The following PARD3B variants were observed in gnomAD, a reference collection of about 807,000 sequenced individuals.
The protein encoded by PARD3B is partitioning defective 3 homolog B.
Under a neutral mutation model 130.2 loss-of-function variants are expected in PARD3B, and 103 were observed. The ratio of observed to expected loss-of-function variants is 0.79; its 90% CI spans 0.67 to 0.93. The LOEUF (loss-of-function observed/expected upper bound fraction) is 0.93, where lower values mean the gene tolerates loss of function less well. PARD3B is among the 40% of genes least tolerant of loss of function. The probability of loss-of-function intolerance (pLI) is 0.00; values close to 1 mark genes in which losing one functional copy is unlikely to be tolerated. For missense variants in PARD3B, 1,609 were observed against 1,499.2 expected (o/e 1.07, Z -1.21); for synonymous variants, 583 against 553.2 (o/e 1.05, Z -0.76).
intron 22 of PARD3B, among the ~76,000 whole-genome samples, chr2:205,601,162 CTGT>C (rs1349888821): frequency 2.0e-5 from 3 of 152,192 alleles, no homozygotes; most frequent in Non-Finnish European, 4.4e-5. Flanking sequence ...TCGCTGGCAT[CTGT>C]TGTTTCTTGA....
At chr2:205,254,111 AAAG>A (rs1171312835) in intron 16 of PARD3B, among the ~76,000 whole-genome samples, 2 of 147,956 alleles carry the variant, frequency 1.4e-5, no homozygotes, top group African/African-American at 5.0e-5. Flanking sequence ...AAAAAAAAAA[AAAG>A]CTGAGATGCT....
At position 204,646,452 on chromosome 2, in the gene PARD3B, G is replaced by A. The variant is rs913351638; in HGVS notation, c.121-39729G>A. ...TTGTGAGATTCATCCATGTCATTGC[G>A]TGAAGCTGTAGGTTGTTAGTTTTCA... On this transcript the variant is annotated intron_variant, in intron 1 of 22. Coordinates refer to ENST00000406610, the MANE Select transcript of PARD3B (RefSeq NM_001302769.2). Among the ~76,000 whole-genome samples the A allele has an allele frequency of 2.6e-5, 4 of 151,974 alleles. No individual in the cohort carries two copies. In the South Asian group the frequency reaches 8.3e-4, roughly 31 times the overall value.
chr2:205,599,481 A>T (rs2105749498), intron 22 of PARD3B, among the ~76,000 whole-genome samples: 1 of 152,332 alleles, frequency 6.6e-6, no homozygotes, highest in East Asian at 1.9e-4. Context: ...GAGAAAAGGA[A>T]GTCTTTATTG....
chr2:204,914,448 C>G (rs1409962811), intron 2 of PARD3B, among the ~76,000 whole-genome samples: 1 of 151,894 alleles, frequency 6.6e-6, no homozygotes, highest in Non-Finnish European at 1.5e-5. Context: ...TGTCTAATGA[C>G]AGTGAGGGGG....
intron 19 of PARD3B, among the ~76,000 whole-genome samples, chr2:205,427,407 A>G (rs1002661438): frequency 2.0e-5 from 3 of 152,264 alleles, no homozygotes; most frequent in Non-Finnish European, 4.4e-5. Context: ...AAGCATGTCC[A>G]CACAGTAGAA....
chr2:204,998,806 C>T (rs117925174), intron 3 of PARD3B, among the ~76,000 whole-genome samples: 1,696 of 152,170 alleles, frequency 0.011, 27 homozygotes, highest in East Asian at 0.046. Context: ...TTCTGACACC[C>T]TGGTTCAAGT....
intron 22 of PARD3B, among the ~76,000 whole-genome samples, chr2:205,604,428 C>T (rs933414098): frequency 6.6e-6 from 1 of 152,132 alleles, no homozygotes; most frequent in South Asian, 2.1e-4. Flanking sequence ...GAGACTTATT[C>T]ACTATCATGA....
At position 205,124,234 on chromosome 2, in the gene PARD3B, A is replaced by G. The variant is rs974907076; in HGVS notation, c.1166-93A>G. 3 of 995,738 alleles carry G rather than the reference A, an allele frequency of 3.0e-6. No homozygotes were observed. In the African/African-American group the frequency reaches 5.0e-5, roughly 17 times the overall value. The allele number at this position is 995,738 out of a possible 1,614,324, so 61.7% of individuals were successfully genotyped here. A position where few individuals can be genotyped will look rare whatever the true frequency, so the allele number is the denominator to read the frequency against. On this transcript the variant is annotated intron_variant, in intron 8 of 22. Coordinates refer to ENST00000406610, the MANE Select transcript of PARD3B (RefSeq NM_001302769.2). Reference sequence around the variant, plus strand: ...AATGTAAATATTTTACTGATTCTATATTAGTCTAAATTAGGTAGATCTTAC... The same window carrying G: ...AATGTAAATATTTTACTGATTCTATGTTAGTCTAAATTAGGTAGATCTTAC...
chr2:205,239,073 T>G (rs577506820), intron 15 of PARD3B, among the ~76,000 whole-genome samples: 2 of 151,606 alleles, frequency 1.3e-5, no homozygotes, highest in Admixed American at 1.3e-4. Context: ...CATCAAGTTG[T>G]CTCATCCTAT....
At chr2:204,877,952 A>G (rs557749782) in intron 2 of PARD3B, among the ~76,000 whole-genome samples, 10 of 152,188 alleles carry the variant, frequency 6.6e-5, no homozygotes, top group Non-Finnish European at 1.5e-4. Context: ...AACCTATTAA[A>G]TTAGTTTCAA....
At chr2:205,456,215 ATTGCTTAATCATGCTATGGATGTACCAT>A (rs1052595564) in intron 20 of PARD3B, among the ~76,000 whole-genome samples, 5 of 152,112 alleles carry the variant, frequency 3.3e-5, no homozygotes, top group Admixed American at 1.3e-4. Context: ...TGGATGTACC[ATTGCTTAATCATGCTATGGATGTACCAT>A]TTGCTTAATC....
At chr2:204,718,600 C>T (rs554775166) in intron 2 of PARD3B, among the ~76,000 whole-genome samples, 2 of 152,272 alleles carry the variant, frequency 1.3e-5, no homozygotes, top group South Asian at 4.1e-4. Flanking sequence ...TGGGTGGGGA[C>T]ACAGAGCCAA....
chr2:204,933,045 G>C (rs1273717153), intron 2 of PARD3B, among the ~76,000 whole-genome samples: 1 of 152,132 alleles, frequency 6.6e-6, no homozygotes, highest in Non-Finnish European at 1.5e-5. Context: ...AGTGACCTCT[G>C]TCTCAAACCT....
At chr2:204,638,789 T>C (rs964367443) in intron 1 of PARD3B, among the ~76,000 whole-genome samples, 4 of 152,202 alleles carry the variant, frequency 2.6e-5, no homozygotes, top group Non-Finnish European at 5.9e-5. Context: ...CTGATGGAAA[T>C]GATGGCATAT....
chr2:205,242,432 AC>A (rs1177603094), intron 15 of PARD3B, among the ~76,000 whole-genome samples: 1 of 152,204 alleles, frequency 6.6e-6, no homozygotes, highest in Non-Finnish European at 1.5e-5. Context: ...CAAAAGCCTT[AC>A]CTTTGTATGA....
chr2:205,544,879 G>T lies in PARD3B; in HGVS notation c.3181-8445G>T, dbSNP rs2052318387. ...GTGCACAGGTTAGAAGGGACTTCCAGGATGTCTGTTTTAACCCTGACATGT... is the reference window on the plus strand; with the variant it reads ...GTGCACAGGTTAGAAGGGACTTCCATGATGTCTGTTTTAACCCTGACATGT... On this transcript the variant is annotated intron_variant, in intron 21 of 22. Coordinates refer to ENST00000406610, the MANE Select transcript of PARD3B (RefSeq NM_001302769.2). 5.3e-5 allele frequency among the ~76,000 whole-genome samples: 8 copies of T among 152,182 alleles called. No individual in the cohort carries two copies. The South Asian group carries it at 6.2e-4, about 12-fold the overall frequency.
At chr2:205,157,004 TA>T (rs2125709571) in intron 10 of PARD3B, among the ~76,000 whole-genome samples, 1 of 152,328 alleles carries the variant, frequency 6.6e-6, no homozygotes, top group South Asian at 2.1e-4. Flanking sequence ...AAGGTATTAC[TA>T]AAGCAAAATT....
chr2:204,929,490 G>C (rs1687868059), intron 2 of PARD3B, among the ~76,000 whole-genome samples: 1 of 152,058 alleles, frequency 6.6e-6, no homozygotes, highest in African/African-American at 2.4e-5. Context: ...AAATTACTGG[G>C]AAAGTCCTTT....
At chr2:204,645,194 A>G (rs1469586221) in intron 1 of PARD3B, among the ~76,000 whole-genome samples, 4 of 152,164 alleles carry the variant, frequency 2.6e-5, no homozygotes, top group South Asian at 2.1e-4. Context: ...TACTCACTTC[A>G]TTGGCTCTAT....
Sources: allele counts gnomAD v4.1 joint callset (sites outside exome capture counted in the v4.1 genomes callset), GRCh38; gene constraint gnomAD v4.1.1; transcripts MANE v1.5; gene names NCBI Gene and HGNC (gene_info 2026-07-23, HGNC 2026-07-21).